The following ZNF736 variants were observed in gnomAD, a reference collection of about 807,000 sequenced individuals.
The protein encoded by ZNF736 is zinc finger protein 736, also known as KRAB-containing zinc-finger repressor protein.
A neutral mutation model predicts 11.7 loss-of-function variants in ZNF736; 6 were observed. That is an observed-to-expected ratio of 0.51 (90% CI 0.28 to 1.01). The LOEUF (loss-of-function observed/expected upper bound fraction) is 1.01, where lower values mean the gene tolerates loss of function less well. ZNF736 is among the 50% of genes least tolerant of loss of function. ZNF736 has a pLI of 0.09. For synonymous variants in ZNF736, 139 were observed against 164.7 expected (o/e 0.84, Z 1.19); for missense variants, 444 against 496.0 (o/e 0.90, Z 1.00).
At chr7:64,336,723 T>C (rs1789256736) in intron 2 of ZNF736, among the ~76,000 whole-genome samples, 164 bp from the exon 3 acceptor site, 1 of 152,202 alleles carries the variant, frequency 6.6e-6, no homozygotes, top group South Asian at 2.1e-4. Context: ...AACCACAAAT[T>C]TAAAATACTT....
rs1584264105 is a variant in ZNF736 at position 64,319,290 on chromosome 7, T to G, written c.3+5137T>G. Among the ~76,000 whole-genome samples, 4 of 142,952 alleles carry G rather than the reference T, an allele frequency of 2.8e-5. No individual in the cohort carries two copies. In the South Asian group the frequency reaches 6.7e-4, roughly 24 times the overall value. The allele number at this position is 142,952 out of a possible 152,430, so 93.8% of individuals were successfully genotyped here. ...TGTGTATATATAAAATATGTGTATG[T>G]ATGTATGTGTGTGTGTGTATATGTA... On this transcript the variant is annotated intron_variant, in intron 1 of 3. Transcript: ENST00000423484.
chr7:64,330,333 T>C (rs1390590063), intron 1 of ZNF736, among the ~76,000 whole-genome samples: 1 of 152,012 alleles, frequency 6.6e-6, no homozygotes, highest in African/African-American at 2.4e-5. Flanking sequence ...TTTTTTTGTA[T>C]TTTTTAGTAG....
intron 1 of ZNF736, among the ~76,000 whole-genome samples, chr7:64,329,788 C>A (rs7805066): frequency 0.34 from 50,254 of 148,952 alleles, 8,734 homozygotes; most frequent in African/African-American, 0.47. Flanking sequence ...TCACTCAAGA[C>A]CCAAGTTCTC....
rs663786 is a variant in ZNF736 at position 64,349,738 on chromosome 7, T to C, written c.*591T>C. The stretch of plus-strand genomic sequence containing the variant: ...ATTTAATGCTTTCTTCAGAAGCTCT[T>C]TTAAGACAGATCCTGTGGTAACATT... On this transcript the variant is annotated 3_prime_UTR_variant, in exon 4 of 4. Transcript: ENST00000423484. 0.57 allele frequency: 87,212 copies of C among 152,210 alleles called. 25,723 individuals are homozygous for C. Among genetic ancestry groups the C allele is most frequent in the Middle Eastern group, 0.68 (198 of 290 alleles). The allele number at this position is 152,210 out of a possible 1,614,324, so 9.4% of individuals were successfully genotyped here.
In ZNF736 at chr7:64,349,076, G is replaced by A. The variant is rs79364081; in HGVS notation, c.1213G>A (p.Ala405Thr). ...KPYKCEECGK[A>T]SSWFSHLIRH... ...CTACAAATGTGAAGAATGTGGCAAA[G>A]CATCGAGCTGGTTCTCACACCTCAT... The change falls in exon 4 of 4, where the codon GCA (alanine) becomes ACA (threonine). Residue 405 changes from alanine to threonine, a missense_variant. Physicochemically the swap from Ala to Thr is moderately conservative, Grantham distance 58. Transcript: ENST00000423484. 4.2e-5 allele frequency: 68 copies of A among 1,602,726 alleles called. 1 individual carries two copies. The South Asian group carries it at 7.5e-4, about 18-fold the overall frequency.
At chr7:64,330,406 C>A (rs1474500929) in intron 1 of ZNF736, among the ~76,000 whole-genome samples, 1 of 152,038 alleles carries the variant, frequency 6.6e-6, no homozygotes, top group African/African-American at 2.4e-5. Context: ...ATCCGACCGC[C>A]TTGGCCTCCC....
intron 1 of ZNF736, among the ~76,000 whole-genome samples, chr7:64,326,193 C>G (rs1334355956): frequency 6.6e-6 from 1 of 152,158 alleles, no homozygotes; most frequent in African/African-American, 2.4e-5. Flanking sequence ...TTTCCAAACA[C>G]TGTACAGAAT....
At position 64,356,184 on chromosome 7, in the gene ZNF736, A is replaced by T. The variant is rs1472655903; in HGVS notation, c.*7037A>T. On this transcript the variant is annotated 3_prime_UTR_variant, in exon 4 of 4. Transcript: ENST00000423484. Reference sequence around the variant, plus strand: ...CTGAACGTCTTAAAATCTGTTCATTATCAGATGCTGAAAGATAAAGAGCAA... The same window carrying T: ...CTGAACGTCTTAAAATCTGTTCATTTTCAGATGCTGAAAGATAAAGAGCAA... 6.6e-6 allele frequency: 1 copy of T among 152,270 alleles called. No individual in the cohort carries two copies. Among genetic ancestry groups the T allele is most frequent in the African/African-American group, 2.4e-5 (1 of 41,470 alleles). 9.4% of individuals were successfully genotyped at this position (152,270 alleles called of 1,614,324 possible).
intron 1 of ZNF736, among the ~76,000 whole-genome samples, chr7:64,328,173 G>A (rs961210299): frequency 6.6e-6 from 1 of 151,428 alleles, no homozygotes; most frequent in African/African-American, 2.4e-5. Context: ...CATTTAGATT[G>A]AAGAACTGCC....
chr7:64,340,026 G>A (rs909834350), intron 3 of ZNF736, among the ~76,000 whole-genome samples: 2 of 152,260 alleles, frequency 1.3e-5, no homozygotes, highest in African/African-American at 4.8e-5. Context: ...GTTACCAGGA[G>A]CCTGGGTAGT....
At position 64,348,389 on chromosome 7, in the gene ZNF736, G is replaced by T; in HGVS notation, c.526G>T (p.Glu176Ter). ...IFSREKCHKC[E>*]ECGKDCRLFS... ...TAGCAGAGAGAAATGCCACAAATGT[G>T]AAGAATGTGGCAAAGACTGTAGGTT... is the stretch of plus-strand genomic sequence containing the variant. The change falls in exon 4 of 4, where the codon GAA (glutamate) becomes TAA (stop). Residue 176 changes from glutamate to a stop codon, truncating the protein, a stop_gained. Transcript: ENST00000423484. LOFTEE classifies it low-confidence loss of function (END_TRUNC). 1 of 1,550,992 alleles carries T rather than the reference G, an allele frequency of 6.4e-7. No individual in the cohort carries two copies. Among genetic ancestry groups the T allele is most frequent in the Non-Finnish European group, 8.7e-7 (1 of 1,146,834 alleles).
In ZNF736 at chr7:64,348,190, TA is replaced by T; in HGVS notation, c.329del (p.Asn110IlefsTer4). 6.4e-7 allele frequency: 1 copy of T among 1,551,496 alleles called. No individual in the cohort carries two copies. Among genetic ancestry groups the T allele is most frequent in the Non-Finnish European group, 8.7e-7 (1 of 1,146,848 alleles). ...LRKYGSCDLN[N>X]LHLKKDYQSV... ...GAAAATATGGAAGCTGTGACCTTAA[TA>T]ATTTACATTTAAAGAAAGACTACCA... On this transcript the variant is annotated frameshift_variant, in exon 4 of 4. Transcript: ENST00000423484. LOFTEE classifies it low-confidence loss of function (END_TRUNC).
intron 3 of ZNF736, among the ~76,000 whole-genome samples, chr7:64,347,849 A>G (rs539203144): frequency 6.6e-6 from 1 of 152,306 alleles, no homozygotes; most frequent in East Asian, 1.9e-4. Context: ...AAATACTTTT[A>G]TTACACTTCT....
At chr7:64,342,853 T>C (rs1357179609) in intron 3 of ZNF736, among the ~76,000 whole-genome samples, 1 of 152,164 alleles carries the variant, frequency 6.6e-6, no homozygotes, top group Non-Finnish European at 1.5e-5. Flanking sequence ...TCTATGTGAT[T>C]GTATAAATTT....
chr7:64,327,276 C>T (rs1185481875), intron 1 of ZNF736, among the ~76,000 whole-genome samples: 1 of 152,098 alleles, frequency 6.6e-6, no homozygotes, highest in Non-Finnish European at 1.5e-5. Context: ...ATTATAATAA[C>T]TTTGGTTGTC....
At chr7:64,324,492 G>A (rs906035004) in intron 1 of ZNF736, among the ~76,000 whole-genome samples, 6 of 152,154 alleles carry the variant, frequency 3.9e-5, no homozygotes, top group African/African-American at 1.4e-4. Flanking sequence ...TAAGAGGGCA[G>A]ACTCCTCCCA....
At chr7:64,318,934 A>G (rs1161284507) in intron 1 of ZNF736, among the ~76,000 whole-genome samples, 1 of 152,154 alleles carries the variant, frequency 6.6e-6, no homozygotes, top group Non-Finnish European at 1.5e-5. Flanking sequence ...GCCAAAAAGG[A>G]GAAGCCTGTG....
At chr7:64,334,116 C>G (rs1291527591) in intron 1 of ZNF736, among the ~76,000 whole-genome samples, 1 of 152,092 alleles carries the variant, frequency 6.6e-6, no homozygotes, top group Non-Finnish European at 1.5e-5. Context: ...ACTGGACCAC[C>G]CTCCCTTACA....
chr7:64,340,539 G>T (rs534493705), intron 3 of ZNF736, among the ~76,000 whole-genome samples: 1 of 152,224 alleles, frequency 6.6e-6, no homozygotes, highest in Admixed American at 6.5e-5. Flanking sequence ...GTTCTAGCAG[G>T]TTTTAAAACC....
Sources: allele counts gnomAD v4.1 joint callset (sites outside exome capture counted in the v4.1 genomes callset), GRCh38; gene constraint gnomAD v4.1.1; transcripts MANE v1.5; gene names NCBI Gene and HGNC (gene_info 2026-07-23, HGNC 2026-07-21).